Variants in STK24 observed in about 807,000 individuals in gnomAD.
The protein encoded by STK24 is serine/threonine kinase 24.
Under a neutral mutation model 55.6 loss-of-function variants are expected in STK24, and 21 were observed. That is an observed-to-expected ratio of 0.38 (90% CI 0.27 to 0.54). The LOEUF (loss-of-function observed/expected upper bound fraction) is 0.54, where lower values mean the gene tolerates loss of function less well. Among genes scored for constraint, STK24 ranks in the 20% least tolerant of loss-of-function variants. The pLI, the probability that STK24 is intolerant of heterozygous loss-of-function variation, is 0.79. For synonymous variants in STK24, 200 were observed against 215.2 expected (o/e 0.93, Z 0.62); for missense variants, 383 against 538.4 (o/e 0.71, Z 2.86).
intron 2 of STK24, among the ~76,000 whole-genome samples, chr13:98,486,445 G>A (rs912356812): frequency 1.3e-5 from 2 of 152,144 alleles, no homozygotes; most frequent in African/African-American, 4.8e-5. Flanking sequence ...GTGAACACAC[G>A]GATAAGCTTG....
rs79412388 is a variant in STK24, at chr13:98,447,014, C to T, written c.*6159G>A. The T allele has an allele frequency of 6.6e-3, 3,848 of 579,408 alleles. 71 individuals are homozygous for T. Among genetic ancestry groups the T allele is most frequent in the South Asian group, 0.035 (1,707 of 49,236 alleles). 35.9% of individuals were successfully genotyped at this position (579,408 alleles called of 1,614,324 possible). ...AGAAAGTGGGGTCCCAACTTCCCTG[C>T]GCCCTTACCCTGCACGGTGTTGGCT... On this transcript the variant is annotated 3_prime_UTR_variant, in exon 11 of 11. Transcript: ENST00000539966.
At chr13:98,476,032 TATAATA>T (rs531421664) in intron 3 of STK24, among the ~76,000 whole-genome samples, 124 of 151,708 alleles carry the variant, frequency 8.2e-4, no homozygotes, top group African/African-American at 1.8e-3. Flanking sequence ...ATAGATATTA[TATAATA>T]ATAATAACTA....
intron 1 of STK24, among the ~76,000 whole-genome samples, chr13:98,525,680 G>A (rs1368027539): frequency 3.3e-5 from 5 of 152,116 alleles, no homozygotes; most frequent in Admixed American, 6.5e-5. Flanking sequence ...TCCCCTTCCC[G>A]AGCTCACCGA....
intron 1 of STK24, among the ~76,000 whole-genome samples, chr13:98,524,090 C>T (rs747236860): frequency 1.1e-4 from 16 of 152,102 alleles, no homozygotes; most frequent in African/African-American, 3.4e-4. Context: ...TTGAGTCAGA[C>T]GCTGTGCCAG....
rs561895644 is a variant in STK24 at position 98,488,121 on chromosome 13, C to T, written c.274-5800G>A. 1.7e-4 allele frequency among the ~76,000 whole-genome samples: 25 copies of T among 150,766 alleles called. No individual in the cohort carries two copies. In the East Asian group the frequency reaches 3.9e-3, roughly 24 times the overall value. ...GTTGCAATGAGCTCATTAGGGTGGGCCCTGATCCAATACGGCTGGTGTCAT... is the reference window on the plus strand; with the variant it reads ...GTTGCAATGAGCTCATTAGGGTGGGTCCTGATCCAATACGGCTGGTGTCAT... On this transcript the variant is annotated intron_variant, in intron 2 of 10. Coordinates refer to ENST00000539966, the MANE Select transcript of STK24 (RefSeq NM_001032296.4).
chr13:98,546,116 A>G (rs1897023178), intron 1 of STK24, among the ~76,000 whole-genome samples: 1 of 152,216 alleles, frequency 6.6e-6, no homozygotes, highest in Non-Finnish European at 1.5e-5. Flanking sequence ...TTAAAAGACA[A>G]TGCACAGATG....
At chr13:98,537,975 CG>C (rs1555310473) in intron 1 of STK24, among the ~76,000 whole-genome samples, 2 of 152,016 alleles carry the variant, frequency 1.3e-5, no homozygotes, top group Non-Finnish European at 2.9e-5. Context: ...CTGCTCCGCT[CG>C]GGGTGCAGCT....
intron 1 of STK24, among the ~76,000 whole-genome samples, chr13:98,529,999 G>A (rs1896539491): frequency 6.6e-6 from 1 of 152,288 alleles, no homozygotes; most frequent in South Asian, 2.1e-4. Flanking sequence ...CACTGCTGGA[G>A]AAGGAAGCCG....
intron 1 of STK24, among the ~76,000 whole-genome samples, chr13:98,523,726 A>C (rs1183431444): frequency 6.6e-6 from 1 of 152,212 alleles, no homozygotes; most frequent in East Asian, 1.9e-4. Context: ...AGAGCCCAGA[A>C]AAGGCCAGCA....
chr13:98,457,722 G>A lies in STK24; in HGVS notation c.1123-418C>T, dbSNP rs144745218. ...TGACCTCAAGTGATCCGCCCGCCTC[G>A]GCCTCTCAAAGTGTTGGGATTACAG... On this transcript the variant is annotated intron_variant, in intron 9 of 10. Coordinates refer to ENST00000539966, the MANE Select transcript of STK24 (RefSeq NM_001032296.4). Among the ~76,000 whole-genome samples the A allele has an allele frequency of 8.0e-3, 1,221 of 152,154 alleles. 6 individuals carry two copies. Among genetic ancestry groups the A allele is most frequent in the Admixed American group, 0.015 (233 of 15,284 alleles).
rs201252045 is a variant in STK24 at position 98,571,355 on chromosome 13, TG to T, written c.42+5389del. On this transcript the variant is annotated intron_variant, in intron 1 of 10. Coordinates refer to ENST00000539966, the MANE Select transcript of STK24 (RefSeq NM_001032296.4). ...AAGAGCATCAAAGTCAGAAAGAGGG[TG>T]GGAAAGCAATGATGCCAGCCGCCAC... 9.2e-3 allele frequency among the ~76,000 whole-genome samples: 1,399 copies of T among 151,832 alleles called. 18 individuals are homozygous for T. The highest frequency in any genetic ancestry group is 0.032 in the African/African-American group (1,310 of 41,360).
intron 1 of STK24, among the ~76,000 whole-genome samples, chr13:98,538,480 C>T (rs1463567433): frequency 6.6e-6 from 1 of 152,148 alleles, no homozygotes; most frequent in Non-Finnish European, 1.5e-5. Flanking sequence ...CCGCCTTGGC[C>T]TCCCAAAGTG....
intron 2 of STK24, among the ~76,000 whole-genome samples, chr13:98,489,887 A>G (rs1162157859): frequency 6.6e-6 from 1 of 152,192 alleles, no homozygotes; most frequent in East Asian, 1.9e-4. Context: ...TACAACAACA[A>G]ATACATGAGG....
chr13:98,504,643 G>A (rs977145180), intron 2 of STK24, among the ~76,000 whole-genome samples: 10 of 152,112 alleles, frequency 6.6e-5, no homozygotes, highest in Admixed American at 2.0e-4. Flanking sequence ...TGGAGTCGTC[G>A]GTGACTATCT....
rs1048966718 is a variant in STK24 at position 98,450,129 on chromosome 13, C to G, written c.*3044G>C. On this transcript the variant is annotated 3_prime_UTR_variant, in exon 11 of 11. Transcript: ENST00000539966. ...CTTCCTGTGTGCCCTCAAGAAAATACTAGTGTGGGTAACAGTCCATCTGAG... is the reference window on the plus strand; with the variant it reads ...CTTCCTGTGTGCCCTCAAGAAAATAGTAGTGTGGGTAACAGTCCATCTGAG... 4 of 152,220 alleles carry G rather than the reference C, an allele frequency of 2.6e-5. No individual in the cohort carries two copies. Among genetic ancestry groups the G allele is most frequent in the Non-Finnish European group, 4.4e-5 (3 of 68,058 alleles). 9.4% of individuals were successfully genotyped at this position (152,220 alleles called of 1,614,324 possible). A position where few individuals can be genotyped will look rare whatever the true frequency, so the allele number is the denominator to read the frequency against.
rs116292395 is a variant in STK24, at chr13:98,486,246, C to T, written c.274-3925G>A. Reference sequence around the variant, plus strand: ...AAGAAAAAGGGGACAGAGTGAAGGCCGGGTCTCAGTCTTCTGGTGCCCATA... The same window carrying T: ...AAGAAAAAGGGGACAGAGTGAAGGCTGGGTCTCAGTCTTCTGGTGCCCATA... On this transcript the variant is annotated intron_variant, in intron 2 of 10. Transcript: ENST00000539966. Among the ~76,000 whole-genome samples the T allele has an allele frequency of 6.2e-3, 936 of 151,744 alleles. 7 individuals carry two copies. The highest frequency in any genetic ancestry group is 0.022 in the African/African-American group (894 of 41,388).
intron 1 of STK24, among the ~76,000 whole-genome samples, chr13:98,557,360 T>G (rs997050792): frequency 1.3e-5 from 2 of 152,248 alleles, no homozygotes; most frequent in African/African-American, 4.8e-5. Context: ...ACATAGGATC[T>G]TCATCTTCCA....
intron 1 of STK24, among the ~76,000 whole-genome samples, chr13:98,524,750 G>A (rs1481088423): frequency 6.6e-6 from 1 of 152,250 alleles, no homozygotes; most frequent in Non-Finnish European, 1.5e-5. Flanking sequence ...GTAGACAGAT[G>A]TTCCAGATTC....
At chr13:98,514,398 A>C (rs1299935563) in intron 2 of STK24, among the ~76,000 whole-genome samples, 1 of 152,276 alleles carries the variant, frequency 6.6e-6, no homozygotes, top group Admixed American at 6.5e-5. Flanking sequence ...TATAACTTGG[A>C]AAGATGACTG....
Sources: gnomAD v4.1 joint callset for allele counts (sites outside exome capture counted in the v4.1 genomes callset) on GRCh38, gnomAD v4.1.1 for gene constraint, MANE v1.5 for transcripts, NCBI Gene and HGNC (gene_info 2026-07-23, HGNC 2026-07-21) for gene names.